The following SRPK1 variants were observed in gnomAD, a reference collection of about 807,000 sequenced individuals.
The protein encoded by SRPK1 is SFRS protein kinase 1.
A neutral mutation model predicts 89.5 loss-of-function variants in SRPK1; 52 were observed. The observed-to-expected ratio is 0.58, with a 90% confidence interval of 0.46 to 0.73. SRPK1 has a LOEUF of 0.73. Among genes scored for constraint, SRPK1 ranks in the 30% least tolerant of loss-of-function variants. The pLI, the probability that SRPK1 is intolerant of heterozygous loss-of-function variation, is 0.00. For missense variants in SRPK1, 603 were observed against 780.6 expected (o/e 0.77, Z 2.71); for synonymous variants, 255 against 270.2 (o/e 0.94, Z 0.55).
In SRPK1 at chr6:35,889,031, T is replaced by G. The variant is rs1770465476; in HGVS notation, c.194-108A>C. ...TCAACATCTATATACCTTTTATCAA[T>G]AAAAAGTTTCTTTTATACAATCAAT... On this transcript the variant is annotated intron_variant, in intron 3 of 15. Transcript: ENST00000373825. The G allele has an allele frequency of 1.3e-5, 9 of 671,796 alleles. No individual in the cohort carries two copies. In the South Asian group the frequency reaches 1.7e-4, roughly 13 times the overall value. The allele number at this position is 671,796 out of a possible 1,614,324, so 41.6% of individuals were successfully genotyped here.
chr6:35,901,447 C>T (rs1438531529), intron 2 of SRPK1, among the ~76,000 whole-genome samples: 1 of 152,228 alleles, frequency 6.6e-6, no homozygotes, highest in African/African-American at 2.4e-5. Flanking sequence ...CAGATTCTCC[C>T]TCACAGCCCT....
intron 2 of SRPK1, among the ~76,000 whole-genome samples, chr6:35,897,955 T>C (rs1288881194): frequency 6.6e-6 from 1 of 152,246 alleles, no homozygotes; most frequent in African/African-American, 2.4e-5. Flanking sequence ...TACCAATTTG[T>C]TCATGTAAGG....
chr6:35,885,166 A>G (rs1458677082), intron 6 of SRPK1, among the ~76,000 whole-genome samples: 1 of 152,054 alleles, frequency 6.6e-6, no homozygotes, highest in Non-Finnish European at 1.5e-5. Flanking sequence ...GACAAACATT[A>G]CAAGATTAAA....
intron 6 of SRPK1, among the ~76,000 whole-genome samples, chr6:35,884,848 A>C (rs1401643422): frequency 2.0e-5 from 3 of 152,026 alleles, no homozygotes; most frequent in Non-Finnish European, 2.9e-5. Context: ...TAAAAATACA[A>C]AATTAGCTGG....
chr6:35,834,737 T>C lies in SRPK1; in HGVS notation c.*567A>G, dbSNP rs986244201. 2 of 152,138 alleles carry C rather than the reference T, an allele frequency of 1.3e-5. No homozygotes were observed. The highest frequency in any genetic ancestry group is 4.1e-4 in the South Asian group (2 of 4,826). The allele number at this position is 152,138 out of a possible 1,614,324, so 9.4% of individuals were successfully genotyped here. A position where few individuals can be genotyped will look rare whatever the true frequency, so the allele number is the denominator to read the frequency against. The stretch of plus-strand genomic sequence containing the variant: ...GTGATAAAATGGTACCCAAATTTGG[T>C]GTTCATATAGCTATTTAAAAAAGAC... On this transcript the variant is annotated 3_prime_UTR_variant, in exon 16 of 16. Transcript: ENST00000373825.
chr6:35,872,901 T>C (rs557643905), intron 7 of SRPK1, among the ~76,000 whole-genome samples, 173 bp from the exon 8 acceptor site: 2 of 152,070 alleles, frequency 1.3e-5, no homozygotes, highest in Non-Finnish European at 2.9e-5. Context: ...GATTAAACTA[T>C]GAAAAAGGCA....
chr6:35,836,994 T>C (rs1769194651), intron 15 of SRPK1, among the ~76,000 whole-genome samples: 1 of 152,060 alleles, frequency 6.6e-6, no homozygotes. Context: ...GAAAAGTCAT[T>C]TTTCTCAGCA....
At chr6:35,843,771 CAG>C (rs1453541123) in intron 13 of SRPK1, among the ~76,000 whole-genome samples, 5 of 151,992 alleles carry the variant, frequency 3.3e-5, no homozygotes, top group Admixed American at 3.3e-4. Flanking sequence ...TTTAGAAAAT[CAG>C]AAGATTAAGT....
In SRPK1 at chr6:35,835,307, G is replaced by T; in HGVS notation, c.1965C>A (p.Ser655=). 6.2e-7 allele frequency: 1 copy of T among 1,612,984 alleles called. No homozygotes were observed. The highest frequency in any genetic ancestry group is 1.1e-5 in the South Asian group (1 of 90,916). ...TGCTGTGGTGCTGGGCAGGGGCTTAGGAGTTAAGCCAAGGGTGCCGGAGAC... is the reference window on the plus strand; with the variant it reads ...TGCTGTGGTGCTGGGCAGGGGCTTATGAGTTAAGCCAAGGGTGCCGGAGAC... ...AECLRHPWLN[S] The change falls in exon 16 of 16, where the codon TCC becomes TCA. Residue 655 remains serine, a synonymous_variant. Transcript: ENST00000373825.
rs1474823360 is a variant in SRPK1, at chr6:35,915,888, C to G, written c.74+4580G>C. Among the ~76,000 whole-genome samples, 3 of 150,710 alleles carry G rather than the reference C, an allele frequency of 2.0e-5. No individual in the cohort carries two copies. In the East Asian group the frequency reaches 5.8e-4, roughly 29 times the overall value. ...TCTGGAGGCTGAGGCAGGAGAATCA[C>G]TTGAACCCAGGAGGCGGAGGTTGCA... On this transcript the variant is annotated intron_variant, in intron 2 of 15. Transcript: ENST00000373825.
chr6:35,850,128 C>T (rs961962342), intron 13 of SRPK1, among the ~76,000 whole-genome samples: 2 of 151,964 alleles, frequency 1.3e-5, no homozygotes, highest in Non-Finnish European at 2.9e-5. Flanking sequence ...TTAGTTTTAA[C>T]TATAACGATG....
At chr6:35,888,219 C>T in intron 4 of SRPK1, 108 bp from the exon 5 acceptor site, 1 of 611,364 alleles carries the variant, frequency 1.6e-6, no homozygotes, top group Non-Finnish European at 2.6e-6. Flanking sequence ...TTTCACGTTT[C>T]CCTGTAGCCC....
At chr6:35,845,199 T>C (rs868147427) in intron 13 of SRPK1, among the ~76,000 whole-genome samples, 6 of 152,274 alleles carry the variant, frequency 3.9e-5, no homozygotes, top group South Asian at 4.1e-4. Context: ...TATATAATAA[T>C]GATAGATACA....
chr6:35,904,707 G>C (rs1325423541), intron 2 of SRPK1, among the ~76,000 whole-genome samples: 6 of 152,038 alleles, frequency 3.9e-5, no homozygotes, highest in African/African-American at 1.4e-4. Flanking sequence ...GCTAAGGCAG[G>C]AGAACTGCTT....
At chr6:35,874,570 A>G (rs757973829) in intron 6 of SRPK1, among the ~76,000 whole-genome samples, 9 of 152,238 alleles carry the variant, frequency 5.9e-5, no homozygotes, top group Non-Finnish European at 1.2e-4. Context: ...CTTCATCAAT[A>G]TTATTATGTA....
rs1000632371 is a variant in SRPK1 at position 35,898,901 on chromosome 6, G to A, written c.75-7888C>T. Among the ~76,000 whole-genome samples the A allele has an allele frequency of 5.9e-5, 9 of 152,114 alleles. No homozygotes were observed. In the South Asian group the frequency reaches 1.9e-3, roughly 32 times the overall value. On this transcript the variant is annotated intron_variant, in intron 2 of 15. Transcript: ENST00000373825. ...ACAGACACCGGGCGTGGTGGCTCACGCCTGTAATCCCAGCACTTGGTGGCC... is the reference window on the plus strand; with the variant it reads ...ACAGACACCGGGCGTGGTGGCTCACACCTGTAATCCCAGCACTTGGTGGCC...
intron 12 of SRPK1, among the ~76,000 whole-genome samples, chr6:35,868,522 T>C (rs1769960151): frequency 2.0e-5 from 3 of 152,154 alleles, no homozygotes; most frequent in African/African-American, 7.2e-5. Context: ...GTCAAAAATA[T>C]GTAGATTAAA....
At chr6:35,870,040 T>C (rs1769996777) in intron 10 of SRPK1, 139 bp from the exon 11 acceptor site, 1 of 1,082,814 alleles carries the variant, frequency 9.2e-7, no homozygotes, top group African/African-American at 1.6e-5. Flanking sequence ...TAAAACCTAT[T>C]TCCGGAAGGG....
At chr6:35,867,187 A>G (rs1459935783) in intron 12 of SRPK1, among the ~76,000 whole-genome samples, 1 of 152,198 alleles carries the variant, frequency 6.6e-6, no homozygotes, top group Admixed American at 6.5e-5. Flanking sequence ...ACTCTGATAG[A>G]TGTGTTGCCA....
Sources: gnomAD v4.1 joint callset for allele counts (sites outside exome capture counted in the v4.1 genomes callset) on GRCh38, gnomAD v4.1.1 for gene constraint, MANE v1.5 for transcripts, NCBI Gene and HGNC (gene_info 2026-07-23, HGNC 2026-07-21) for gene names.